Variants in RTL4 observed in about 807,000 individuals in gnomAD.
RTL4 encodes the protein retrotransposon Gag like 4.
In RTL4, 4 loss-of-function variants were observed where a neutral mutation model predicts 5.3. The ratio of observed to expected loss-of-function variants is 0.75; its 90% CI spans 0.37 to 1.72. The LOEUF (loss-of-function observed/expected upper bound fraction) is 1.72, where lower values mean the gene tolerates loss of function less well. RTL4 is among the 40% of genes most tolerant of loss of function. The pLI is 0.04. For synonymous variants in RTL4, 98 were observed against 87.3 expected (o/e 1.12, Z -0.68); for missense variants, 260 against 227.1 (o/e 1.14, Z -0.93).
At chrX:112,177,382 G>A in the RTL4 span, among the ~76,000 whole-genome samples, 1 of 110,958 alleles carries the variant, frequency 9.0e-6, no homozygotes, top group Non-Finnish European at 1.9e-5. Flanking sequence ...ACTGGGGTGA[G>A]GTCATACCCC....
chrX:112,176,589 A>T, the RTL4 span, among the ~76,000 whole-genome samples: 1 of 111,335 alleles, frequency 9.0e-6, no homozygotes, highest in Non-Finnish European at 1.9e-5. Context: ...TTTGAGGTAT[A>T]TGTGATATTT....
At chrX:112,370,417 T>G in the RTL4 span, among the ~76,000 whole-genome samples, 1 of 112,024 alleles carries the variant, frequency 8.9e-6, no homozygotes, top group East Asian at 2.8e-4. Flanking sequence ...CTCAAGAGGT[T>G]ACTTGGTTAT....
chrX:112,209,678 G>A, the RTL4 span, among the ~76,000 whole-genome samples: 7 of 111,398 alleles, frequency 6.3e-5, no homozygotes, highest in South Asian at 1.2e-3. Context: ...ACTCAAGGCC[G>A]ATCACGTATA....
At chrX:112,188,986 TC>T in the RTL4 span, among the ~76,000 whole-genome samples, 1 of 111,284 alleles carries the variant, frequency 9.0e-6, no homozygotes, top group Non-Finnish European at 1.9e-5. Flanking sequence ...AATTGTCCTT[TC>T]CTGATTCCTT....
the RTL4 span, among the ~76,000 whole-genome samples, chrX:112,338,092 A>G: frequency 9.0e-6 from 1 of 111,653 alleles, no homozygotes; most frequent in South Asian, 3.7e-4. Context: ...AAGATTTACC[A>G]ATTTACAGTC....
At chrX:112,095,593 A>G in the RTL4 span, among the ~76,000 whole-genome samples, 1 of 111,703 alleles carries the variant, frequency 9.0e-6, no homozygotes, top group South Asian at 3.8e-4. Flanking sequence ...GGGTAAAAAT[A>G]GAGAGCTCAA....
chrX:112,393,161 G>GTTTTTTTTTTTTTTTTTTTTTT, the RTL4 span, among the ~76,000 whole-genome samples: 2 of 71,328 alleles, frequency 2.8e-5, no homozygotes, highest in African/African-American at 5.1e-5. Context: ...TTTTTTTTTT[G>GTTTTTTTTTTTTTTTTTTTTTT]TTTTTTTTTT....
the RTL4 span, among the ~76,000 whole-genome samples, chrX:112,203,808 T>G: frequency 8.9e-6 from 1 of 112,387 alleles, no homozygotes; most frequent in African/African-American, 3.2e-5. Context: ...TGCTAGGATT[T>G]TGATAATAAT....
At chrX:112,307,238 TACTC>T in the RTL4 span, among the ~76,000 whole-genome samples, 4 of 112,055 alleles carry the variant, frequency 3.6e-5, no homozygotes, top group African/African-American at 1.3e-4. Context: ...TCTCATTTAA[TACTC>T]ACAGCAATGC....
chrX:112,252,625 A>G, the RTL4 span, among the ~76,000 whole-genome samples: 1 of 110,729 alleles, frequency 9.0e-6, no homozygotes, highest in African/African-American at 3.3e-5. Flanking sequence ...GCTCTGCCCC[A>G]TTGCTGCCCA....
At chrX:112,240,985 A>T in the RTL4 span, among the ~76,000 whole-genome samples, 1 of 111,243 alleles carries the variant, frequency 9.0e-6, no homozygotes, top group African/African-American at 3.3e-5. Context: ...ATGTCCCTAC[A>T]AAGGACATGA....
chrX:112,211,907 G>A, the RTL4 span, among the ~76,000 whole-genome samples: 3 of 111,873 alleles, frequency 2.7e-5, no homozygotes, highest in African/African-American at 6.5e-5. Flanking sequence ...GAATTGCTAC[G>A]GAAGAAACAA....
the RTL4 span, among the ~76,000 whole-genome samples, chrX:112,425,049 T>C: frequency 4.5e-5 from 5 of 111,284 alleles, no homozygotes; most frequent in African/African-American, 1.6e-4. Context: ...TACAGTATAG[T>C]TTCACTGCCC....
the RTL4 span, among the ~76,000 whole-genome samples, chrX:112,142,249 C>G: frequency 1.8e-5 from 2 of 112,429 alleles, no homozygotes; most frequent in Non-Finnish European, 3.8e-5. Flanking sequence ...TGGGTTGTCC[C>G]CATGAGGGTG....
the RTL4 span, among the ~76,000 whole-genome samples, chrX:112,217,962 T>C: frequency 8.9e-6 from 1 of 111,819 alleles, no homozygotes; most frequent in Non-Finnish European, 1.9e-5. Context: ...CACTAGACAT[T>C]TAATCAACTA....
At chrX:112,359,353 T>C in the RTL4 span, among the ~76,000 whole-genome samples, 4 of 111,906 alleles carry the variant, frequency 3.6e-5, no homozygotes, top group African/African-American at 1.3e-4. Context: ...CTGACTGTAG[T>C]CACTCTGTTG....
chrX:112,342,357 G>A, the RTL4 span, among the ~76,000 whole-genome samples: 1 of 111,532 alleles, frequency 9.0e-6, no homozygotes, highest in Non-Finnish European at 1.9e-5. Flanking sequence ...TATTGGTCTG[G>A]AGTAGATCGT....
At chrX:112,236,461 C>A in the RTL4 span, among the ~76,000 whole-genome samples, 40 of 72,040 alleles carry the variant, frequency 5.6e-4, no homozygotes, top group African/African-American at 2.2e-3. Flanking sequence ...AGATATAGAT[C>A]TATATCTATA....
the RTL4 span, among the ~76,000 whole-genome samples, chrX:112,274,981 A>G: frequency 4.5e-5 from 5 of 110,823 alleles, no homozygotes; most frequent in Admixed American, 9.6e-5. Context: ...GACAGATGCT[A>G]TTATTATCCC....
Sources: gnomAD v4.1 joint callset for allele counts (sites outside exome capture counted in the v4.1 genomes callset) on GRCh38, gnomAD v4.1.1 for gene constraint, MANE v1.5 for transcripts, NCBI Gene and HGNC (gene_info 2026-07-23, HGNC 2026-07-21) for gene names.